SLC14A2: variants seen among roughly 807,000 people sequenced by gnomAD.
SLC14A2 encodes solute carrier family 14 member 2.
Under a neutral mutation model 104.6 loss-of-function variants are expected in SLC14A2, and 91 were observed. The ratio of observed to expected loss-of-function variants is 0.87; its 90% confidence interval spans 0.73 to 1.04. The LOEUF is 1.04. Ranked by LOEUF, SLC14A2 falls within the 50% of genes least tolerant of loss-of-function variation. The probability of loss-of-function intolerance (pLI) is 0.00; values close to 1 mark genes in which losing one functional copy is unlikely to be tolerated. For missense variants in SLC14A2, 1,189 were observed against 1,156.0 expected, an observed-to-expected ratio of 1.03 and a Z score of -0.41; for synonymous variants, 476 against 466.4, an observed-to-expected ratio of 1.02 and a Z score of -0.27.
At chr18:45,437,856 G>A (rs1310543826) in intron 1 of SLC14A2, among the ~76,000 whole-genome samples, 3 of 152,204 alleles carry the variant, frequency 2.0e-5, no homozygotes, top group African/African-American at 4.8e-5. Context: ...ATAACTCCAA[G>A]TATGAGGATT....
intron 5 of SLC14A2, among the ~76,000 whole-genome samples, chr18:45,636,466 G>T (rs2045418044): frequency 6.6e-6 from 1 of 152,146 alleles, no homozygotes; most frequent in Non-Finnish European, 1.5e-5. Flanking sequence ...ACAACTGAAG[G>T]TTCTATTTTC....
chr18:45,313,046 C>T (rs1275446901), intron 1 of SLC14A2, among the ~76,000 whole-genome samples: 3 of 152,198 alleles, frequency 2.0e-5, no homozygotes, highest in Admixed American at 1.3e-4. Flanking sequence ...GACAAATGGG[C>T]ACCTGCTGAT....
intron 1 of SLC14A2, among the ~76,000 whole-genome samples, chr18:45,432,923 CAATA>C (rs1184071329): frequency 6.6e-6 from 1 of 152,076 alleles, no homozygotes; most frequent in Non-Finnish European, 1.5e-5. Context: ...ATTTTTTGTG[CAATA>C]AATAAATAGG....
At chr18:45,390,783 A>G (rs2085952512) in intron 1 of SLC14A2, among the ~76,000 whole-genome samples, 1 of 152,186 alleles carries the variant, frequency 6.6e-6, no homozygotes, top group African/African-American at 2.4e-5. Context: ...TTTCACCCAG[A>G]TCGTATAATG....
intron 1 of SLC14A2, among the ~76,000 whole-genome samples, chr18:45,386,450 TGAAGGCACAC>T (rs1431060928): frequency 6.6e-6 from 1 of 152,190 alleles, no homozygotes; most frequent in Non-Finnish European, 1.5e-5. Context: ...GCTTGTAGTC[TGAAGGCACAC>T]GGCGCCCCCT....
intron 1 of SLC14A2, among the ~76,000 whole-genome samples, chr18:45,281,591 G>A (rs2084763006): frequency 6.6e-6 from 1 of 152,186 alleles, no homozygotes; most frequent in Non-Finnish European, 1.5e-5. Context: ...AATATGTTGA[G>A]AACGGTTGTC....
At chr18:45,590,241 CCCTTCCCTGGATAAATGAGATAGAGA>C (rs775217426) in intron 2 of SLC14A2, among the ~76,000 whole-genome samples, 202 of 152,272 alleles carry the variant, frequency 1.3e-3, no homozygotes, top group Admixed American at 3.2e-3. Context: ...CAAAGCATGT[CCCTTCCCTGGATAAATGAGATAGAGA>C]GCTTCACTGC....
chr18:45,671,612 G>A (rs1287529868), intron 16 of SLC14A2, among the ~76,000 whole-genome samples: 1 of 152,112 alleles, frequency 6.6e-6, no homozygotes, highest in Non-Finnish European at 1.5e-5. Flanking sequence ...TGCCCTGCAT[G>A]GTGAGGCCAG....
chr18:45,291,035 T>G (rs940291195), intron 1 of SLC14A2, among the ~76,000 whole-genome samples: 1 of 152,196 alleles, frequency 6.6e-6, no homozygotes, highest in Non-Finnish European at 1.5e-5. Flanking sequence ...GAATTTTGAA[T>G]GTTAGAAAGT....
the SLC14A2 span, among the ~76,000 whole-genome samples, chr18:45,200,048 C>A: frequency 6.6e-6 from 1 of 152,104 alleles, no homozygotes; most frequent in South Asian, 2.1e-4. Context: ...TAACCTCTGC[C>A]TATATCTATA....
At chr18:45,485,446 G>C (rs1351672635) in intron 2 of SLC14A2, 1 of 152,148 alleles carries the variant, frequency 6.6e-6, no homozygotes, top group African/African-American at 2.4e-5. Context: ...AATTGCACCT[G>C]GGTTGGTGAG....
chr18:45,223,158 T>C (rs1205762430), intron 1 of SLC14A2, among the ~76,000 whole-genome samples: 1 of 152,188 alleles, frequency 6.6e-6, no homozygotes, highest in African/African-American at 2.4e-5. Flanking sequence ...ATGAGGAGAA[T>C]ATTGCTTAGA....
intron 1 of SLC14A2, among the ~76,000 whole-genome samples, chr18:45,227,268 A>G (rs1224281503): frequency 1.3e-5 from 2 of 152,188 alleles, no homozygotes; most frequent in African/African-American, 4.8e-5. Flanking sequence ...ACTTCACAGC[A>G]AAAATGTGAG....
intron 1 of SLC14A2, among the ~76,000 whole-genome samples, chr18:45,475,664 T>G (rs1202561367): frequency 2.8e-5 from 3 of 108,566 alleles, no homozygotes; most frequent in East Asian, 2.7e-4. Context: ...TATATATATA[T>G]ATATATATAT....
At chr18:45,561,711 A>C (rs935597084) in intron 2 of SLC14A2, among the ~76,000 whole-genome samples, 7 of 152,186 alleles carry the variant, frequency 4.6e-5, no homozygotes, top group African/African-American at 1.7e-4. Context: ...CAACAACCCT[A>C]TTATGAATTG....
At chr18:45,508,519 G>A (rs1467383744) in intron 2 of SLC14A2, among the ~76,000 whole-genome samples, 2 of 152,216 alleles carry the variant, frequency 1.3e-5, no homozygotes, top group Admixed American at 1.3e-4. Flanking sequence ...TTAGCCATGT[G>A]GAACTGTAAC....
At chr18:45,334,934 C>CCCCAGGCCATAGT (rs2085324597) in intron 1 of SLC14A2, among the ~76,000 whole-genome samples, 1 of 152,214 alleles carries the variant, frequency 6.6e-6, no homozygotes, top group African/African-American at 2.4e-5. Context: ...GCTAAATGTT[C>CCCCAGGCCATAGT]ACCTCCTGAC....
At chr18:45,644,741 G>T (rs1345237570) in intron 10 of SLC14A2, among the ~76,000 whole-genome samples, 1 of 152,014 alleles carries the variant, frequency 6.6e-6, no homozygotes, top group Non-Finnish European at 1.5e-5. Context: ...CTTTGTAAGG[G>T]GCAAGGCGAT....
At position 45,627,155 on chromosome 18, in the gene SLC14A2, CCT is replaced by C; in HGVS notation, c.521+13_521+14del. 1 of 1,612,706 alleles carries C rather than the reference CCT, an allele frequency of 6.2e-7. No individual in the cohort carries two copies. Among genetic ancestry groups the C allele is most frequent in the Non-Finnish European group, 8.5e-7 (1 of 1,178,862 alleles). On this transcript the variant is annotated intron_variant, in intron 4 of 19. Coordinates refer to ENST00000255226, the MANE Select transcript of SLC14A2 (RefSeq NM_007163.4). ...CGCCTTGGGCCAAGACAGGTGGGTC[CCT>C]CTCTATAGGGATTTTAGCAAGATGT...
Sources: gnomAD v4.1 joint callset for allele counts (sites outside exome capture counted in the v4.1 genomes callset) on GRCh38, gnomAD v4.1.1 for gene constraint, MANE v1.5 for transcripts, NCBI Gene and HGNC (gene_info 2026-07-23, HGNC 2026-07-21) for gene names.